VEZT: variants seen among roughly 807,000 people sequenced by gnomAD.
VEZT encodes vezatin, adherens junctions transmembrane protein.
Under a neutral mutation model 79.9 loss-of-function variants are expected in VEZT, and 39 were observed. The observed-to-expected ratio is 0.49, with a 90% CI of 0.38 to 0.64. VEZT has a LOEUF of 0.64. VEZT is among the 30% of genes least tolerant of loss of function. The pLI is 0.00. For synonymous variants in VEZT, 325 were observed against 327.6 expected (o/e 0.99, Z 0.09); for missense variants, 837 against 893.1 (o/e 0.94, Z 0.80).
intron 1 of VEZT, among the ~76,000 whole-genome samples, chr12:95,237,661 C>T (rs1177223161): frequency 1.3e-5 from 2 of 152,146 alleles, no homozygotes; most frequent in African/African-American, 4.8e-5. Context: ...TTATCTTGTT[C>T]ATGTTGGTGT....
intron 3 of VEZT, among the ~76,000 whole-genome samples, chr12:95,261,858 C>G (rs2064575997): frequency 6.6e-6 from 1 of 152,182 alleles, no homozygotes; most frequent in South Asian, 2.1e-4. Context: ...GGTGTTCTCC[C>G]CTACATAATG....
At chr12:95,230,946 G>A (rs1285515848) in intron 1 of VEZT, among the ~76,000 whole-genome samples, 1 of 152,154 alleles carries the variant, frequency 6.6e-6, no homozygotes, top group Non-Finnish European at 1.5e-5. Context: ...TATAAAAGCT[G>A]TGTAAGTCAG....
In VEZT at chr12:95,266,578, GA is replaced by G; in HGVS notation, c.660del (p.Ala221LeufsTer10). On this transcript the variant is annotated frameshift_variant, in exon 5 of 12. Transcript: ENST00000436874. LOFTEE classifies it high-confidence loss of function. ...AGCCGAGCTTTTACTAACCTCGTGA[GA>G]AAAGCTTTACGTCTCATTCAAGAAA... ...TNSRAFTNLV[R>X]KALRLIQETE... 1 of 1,613,710 alleles carries G rather than the reference GA, an allele frequency of 6.2e-7. No homozygotes were observed. The highest frequency in any genetic ancestry group is 1.1e-5 in the South Asian group (1 of 91,080).
chr12:95,249,309 T>A (rs895807921), intron 1 of VEZT, among the ~76,000 whole-genome samples: 1 of 152,182 alleles, frequency 6.6e-6, no homozygotes, highest in African/African-American at 2.4e-5. Context: ...TGTTTTTTTT[T>A]AAAGTATGTA....
chr12:95,296,064 A>C lies in VEZT; in HGVS notation c.1637A>C (p.Tyr546Ser). Residue 546 changes from tyrosine (Y) to serine (S), a missense_variant, in exon 11 of 12, where the codon TAT (tyrosine) becomes TCT (serine). Tyr to Ser is a moderately radical substitution (Grantham distance 144). Transcript: ENST00000436874. ...PIPEEQELEA[Y>S]VDDIDIDSDF... is the part of the protein sequence containing the mutation. ...ATTCATTTTCAGGAATTAGAAGCTT[A>C]TGTAGATGATATAGATATTGATAGT... The C allele has an allele frequency of 6.5e-7, 1 of 1,549,334 alleles. No individual in the cohort carries two copies. The highest frequency in any genetic ancestry group is 2.4e-5 in the East Asian group (1 of 41,430).
chr12:95,226,877 T>C (rs190722220), intron 1 of VEZT, among the ~76,000 whole-genome samples: 1 of 152,300 alleles, frequency 6.6e-6, no homozygotes. Context: ...GCCTGACTCC[T>C]CCTCCTATAA....
chr12:95,282,702 A>G, intron 8 of VEZT, 58 bp downstream of exon 8: 1 of 1,436,626 alleles, frequency 7.0e-7, no homozygotes, highest in Admixed American at 2.3e-5. Flanking sequence ...TCATTCGTGT[A>G]CCATTGTGGT....
At chr12:95,270,868 A>G (rs996872370) in intron 6 of VEZT, among the ~76,000 whole-genome samples, 8 of 152,258 alleles carry the variant, frequency 5.3e-5, no homozygotes, top group Admixed American at 3.3e-4. Flanking sequence ...ATAAAGGCAT[A>G]TAAGAGCTTT....
At chr12:95,286,412 C>T (rs2070889262) in intron 8 of VEZT, 3 of 519,222 alleles carry the variant, frequency 5.8e-6, no homozygotes, top group Admixed American at 2.3e-5. Flanking sequence ...AAGTCTGCCT[C>T]ATCTGAATCC....
chr12:95,279,388 T>C (rs2068494486), intron 7 of VEZT, among the ~76,000 whole-genome samples: 1 of 152,214 alleles, frequency 6.6e-6, no homozygotes, highest in Non-Finnish European at 1.5e-5. Flanking sequence ...AACTAGTTTT[T>C]TAAATTTATG....
intron 1 of VEZT, among the ~76,000 whole-genome samples, chr12:95,227,642 A>G (rs903255602): frequency 7.3e-5 from 11 of 151,702 alleles, no homozygotes; most frequent in Admixed American, 2.0e-4. Context: ...TGCCCGGCCA[A>G]TTTTTTGTAT....
At chr12:95,257,832 T>C (rs1306869256) in intron 3 of VEZT, among the ~76,000 whole-genome samples, 1 of 152,214 alleles carries the variant, frequency 6.6e-6, no homozygotes, top group Non-Finnish European at 1.5e-5. Flanking sequence ...TTAAGAATTA[T>C]CATTCCTGTA....
chr12:95,253,851 G>A (rs1170779396), intron 2 of VEZT, among the ~76,000 whole-genome samples: 1 of 152,100 alleles, frequency 6.6e-6, no homozygotes. Context: ...TATAATCCCG[G>A]CACTTTGGGA....
Position 95,287,715 on chromosome 12 carries a change from A to C in VEZT, c.1380A>C (p.Thr460=). 6.3e-7 allele frequency: 1 copy of C among 1,595,804 alleles called. No homozygotes were observed. Residue 460 remains threonine, a synonymous_variant, in exon 9 of 12, where the codon ACA becomes ACC. Transcript: ENST00000436874. The part of the protein sequence containing the change: ...ELEKLVCTKE[T]QELVSEAYPI... The stretch of plus-strand genomic sequence containing the variant: ...AAAAGCTTGTTTGTACTAAAGAAAC[A>C]CAAGAACTAGTGTCAGAGGCTTATC...
At chr12:95,261,272 A>G (rs1408909953) in intron 3 of VEZT, among the ~76,000 whole-genome samples, 3 of 152,110 alleles carry the variant, frequency 2.0e-5, no homozygotes, top group Admixed American at 1.3e-4. Flanking sequence ...AACTAAGAAG[A>G]GCAAACCTGT....
chr12:95,235,055 C>T (rs1239306823), intron 1 of VEZT, among the ~76,000 whole-genome samples: 1 of 151,658 alleles, frequency 6.6e-6, no homozygotes, highest in East Asian at 1.9e-4. Context: ...CCATGTCTAC[C>T]TCTTTCTACA....
At position 95,282,247 on chromosome 12, in the gene VEZT, T is replaced by C; in HGVS notation, c.997-66T>C. ...AACCAGAAGTTAAGATAAACAAATT[T>C]ATAGTTTGTTTTGAACACTGACCAA... is the stretch of plus-strand genomic sequence containing the variant. On this transcript the variant is annotated intron_variant, in intron 7 of 11. Coordinates refer to ENST00000436874, the MANE Select transcript of VEZT (RefSeq NM_017599.4). 3 of 1,376,194 alleles carry C rather than the reference T, an allele frequency of 2.2e-6. No individual in the cohort carries two copies. The South Asian group carries it at 4.5e-5, about 21-fold the overall frequency. 85.2% of individuals were successfully genotyped at this position (1,376,194 alleles called of 1,614,324 possible). A position where few individuals can be genotyped will look rare whatever the true frequency, so the allele number is the denominator to read the frequency against.
chr12:95,289,417 CAAAAAAAAAAAAAAA>C (rs146728004), intron 9 of VEZT, among the ~76,000 whole-genome samples: 6 of 69,464 alleles, frequency 8.6e-5, no homozygotes, highest in Admixed American at 5.9e-4. Flanking sequence ...ACTCTTGTCT[CAAAAAAAAAAAAAAA>C]AAAAAAAAAA....
intron 9 of VEZT, among the ~76,000 whole-genome samples, chr12:95,288,637 T>G (rs1393477796): frequency 6.6e-6 from 1 of 152,220 alleles, no homozygotes; most frequent in Non-Finnish European, 1.5e-5. Context: ...TTTGTAATAA[T>G]TTCTTTAATG....
Sources: allele counts gnomAD v4.1 joint callset (sites outside exome capture counted in the v4.1 genomes callset), GRCh38; gene constraint gnomAD v4.1.1; transcripts MANE v1.5; gene names NCBI Gene and HGNC (gene_info 2026-07-23, HGNC 2026-07-21).